Variants in TENM2 observed in about 807,000 individuals in gnomAD.
TENM2 encodes the protein teneurin-2.
TENM2 carries 52 observed loss-of-function variants against 245.2 expected under a neutral mutation model. That is an observed-to-expected ratio of 0.21 (90% CI 0.17 to 0.27). The LOEUF is 0.27. Among genes scored for constraint, TENM2 ranks in the 10% least tolerant of loss-of-function variants. The probability of loss-of-function intolerance (pLI) is 1.00; values close to 1 mark genes in which losing one functional copy is unlikely to be tolerated. For missense variants in TENM2, 3,046 were observed against 3,666.8 expected (o/e 0.83, Z 4.37); for synonymous variants, 1,363 against 1,438.9 (o/e 0.95, Z 1.19).
chr5:167,713,766 C>T (rs1759068953), intron 2 of TENM2, among the ~76,000 whole-genome samples: 1 of 152,224 alleles, frequency 6.6e-6, no homozygotes, highest in Non-Finnish European at 1.5e-5. Context: ...TGCGTACGTG[C>T]ACACACATAC....
At position 167,955,044 on chromosome 5, in the gene TENM2, C is replaced by T. The variant is rs182266343; in HGVS notation, c.947+2222C>T. 2.2e-3 allele frequency among the ~76,000 whole-genome samples: 337 copies of T among 152,322 alleles called. 2 individuals carry two copies. The highest frequency in any genetic ancestry group is 7.4e-3 in the African/African-American group (308 of 41,564). ...TCTAGATCCTTGAGGAATCACCACA[C>T]TGTCTTTCACAATGGTTGAATCAAT... On this transcript the variant is annotated intron_variant, in intron 4 of 28. Coordinates refer to ENST00000518659, the Ensembl canonical transcript of TENM2.
At chr5:167,706,555 A>G (rs1021578401) in intron 2 of TENM2, among the ~76,000 whole-genome samples, 1 of 151,982 alleles carries the variant, frequency 6.6e-6, no homozygotes, top group Non-Finnish European at 1.5e-5. Context: ...TGCAGTGAAC[A>G]TGGGAGCACA....
intron 2 of TENM2, among the ~76,000 whole-genome samples, chr5:167,759,100 C>T (rs542684292): frequency 6.7e-6 from 1 of 149,044 alleles, no homozygotes; most frequent in African/African-American, 2.5e-5. Context: ...CTGACACATA[C>T]TAGATTACTT....
At chr5:167,791,088 C>T (rs1258486696) in intron 2 of TENM2, among the ~76,000 whole-genome samples, 3 of 152,128 alleles carry the variant, frequency 2.0e-5, no homozygotes, top group Non-Finnish European at 4.4e-5. Flanking sequence ...ATGTATTTGG[C>T]TTGGATTGTA....
intron 3 of TENM2, among the ~76,000 whole-genome samples, chr5:167,922,938 T>A (rs1445114922): frequency 1.3e-5 from 2 of 152,248 alleles, no homozygotes; most frequent in African/African-American, 4.8e-5. Context: ...TAGAATGGCT[T>A]ACAGGCCGAA....
chr5:167,239,859 G>A, the TENM2 span, among the ~76,000 whole-genome samples: 1 of 152,130 alleles, frequency 6.6e-6, no homozygotes, highest in African/African-American at 2.4e-5. Flanking sequence ...CGCAACCTCT[G>A]CCTCCCAGAT....
intron 15 of TENM2, among the ~76,000 whole-genome samples, chr5:168,197,219 A>G: frequency 6.6e-6 from 1 of 152,218 alleles, no homozygotes; most frequent in East Asian, 1.9e-4. Context: ...ATGCTCTGAT[A>G]TTTGTCTTAA....
chr5:167,463,017 G>C (rs1253847784), intron 2 of TENM2, among the ~76,000 whole-genome samples: 1 of 152,032 alleles, frequency 6.6e-6, no homozygotes, highest in Non-Finnish European at 1.5e-5. Context: ...ACATTCAAGA[G>C]GATATTGGAT....
At position 167,730,060 on chromosome 5, in the gene TENM2, AC is replaced by A. The variant is rs201168736; in HGVS notation, c.503-145924del. 4.2e-3 allele frequency among the ~76,000 whole-genome samples: 644 copies of A among 152,214 alleles called. 9 individuals are homozygous for A. Among genetic ancestry groups the A allele is most frequent in the African/African-American group, 0.015 (603 of 41,532 alleles). On this transcript the variant is annotated intron_variant, in intron 2 of 28. Transcript: ENST00000518659. ...GGGTCTGAGTTTTTTTAGCTTCTCT[AC>A]CATTGGAAATAACAATAATGCTTGC...
intron 3 of TENM2, among the ~76,000 whole-genome samples, chr5:167,913,798 A>T (rs963253394): frequency 1.3e-5 from 2 of 152,206 alleles, no homozygotes; most frequent in African/African-American, 4.8e-5. Flanking sequence ...TTCCTGTCCA[A>T]GCTGCACAAC....
At chr5:167,379,122 C>A (rs569874618) in intron 2 of TENM2, among the ~76,000 whole-genome samples, 3 of 152,236 alleles carry the variant, frequency 2.0e-5, no homozygotes, top group Non-Finnish European at 2.9e-5. Context: ...AATTTACAAT[C>A]CTCATAATGT....
intron 1 of TENM2, among the ~76,000 whole-genome samples, chr5:167,286,012 C>G (rs1771321989): frequency 6.6e-6 from 1 of 152,170 alleles, no homozygotes; most frequent in African/African-American, 2.4e-5. Context: ...CCTGGTTTCT[C>G]AGCTTCCTTA....
rs189406200 is a variant in TENM2 at position 167,612,018 on chromosome 5, G to A, written c.502+236545G>A. Among the ~76,000 whole-genome samples the A allele has an allele frequency of 2.1e-3, 319 of 152,112 alleles. 2 individuals carry two copies. Among genetic ancestry groups the A allele is most frequent in the Admixed American group, 0.017 (264 of 15,282 alleles). On this transcript the variant is annotated intron_variant, in intron 2 of 28. Coordinates refer to ENST00000518659, the Ensembl canonical transcript of TENM2. ...CATATATATTTGACTCCTTTGATCC[G>A]TATTTCCACCCTACAAGTCTGTCTC...
At chr5:167,834,661 T>TA (rs1554127838) in intron 2 of TENM2, among the ~76,000 whole-genome samples, 1 of 124,802 alleles carries the variant, frequency 8.0e-6, no homozygotes, top group Non-Finnish European at 1.8e-5. Flanking sequence ...TTTTTTTTTT[T>TA]CTTTTTGAGA....
At chr5:168,150,208 C>T (rs1756517092) in intron 12 of TENM2, among the ~76,000 whole-genome samples, 1 of 152,186 alleles carries the variant, frequency 6.6e-6, no homozygotes, top group African/African-American at 2.4e-5. Flanking sequence ...TAGAAACTAC[C>T]CGGTGCATAA....
chr5:167,926,498 T>A (rs1310841435), intron 3 of TENM2, among the ~76,000 whole-genome samples: 1 of 152,088 alleles, frequency 6.6e-6, no homozygotes, highest in Non-Finnish European at 1.5e-5. Flanking sequence ...GGCGGACAGA[T>A]CACCTGAGGC....
chr5:167,124,899 A>G, the TENM2 span, among the ~76,000 whole-genome samples: 1 of 152,300 alleles, frequency 6.6e-6, no homozygotes, highest in South Asian at 2.1e-4. Context: ...GCAACGTTCT[A>G]CAGAGACTTC....
chr5:167,844,103 A>C (rs1400120603), intron 2 of TENM2, among the ~76,000 whole-genome samples: 1 of 152,220 alleles, frequency 6.6e-6, no homozygotes, highest in Non-Finnish European at 1.5e-5. Flanking sequence ...GGCTTTAGTT[A>C]TGACTTATGA....
intron 2 of TENM2, among the ~76,000 whole-genome samples, chr5:167,433,449 C>A (rs887404489): frequency 2.0e-5 from 3 of 152,060 alleles, no homozygotes; most frequent in African/African-American, 7.2e-5. Context: ...TATGTAGATT[C>A]TTTCTGTTTA....
Sources: gnomAD v4.1 joint callset for allele counts (sites outside exome capture counted in the v4.1 genomes callset) on GRCh38, gnomAD v4.1.1 for gene constraint, MANE v1.5 for transcripts, NCBI Gene and HGNC (gene_info 2026-07-23, HGNC 2026-07-21) for gene names.